The following ACACA variants were observed in gnomAD, a reference collection of about 807,000 sequenced individuals.
ACACA encodes the protein acetyl-CoA carboxylase alpha.
ACACA carries 103 observed loss-of-function variants against 296.1 expected under a neutral mutation model. That is an observed-to-expected ratio of 0.35 (90% confidence interval 0.30 to 0.41). The LOEUF (loss-of-function observed/expected upper bound fraction) is 0.41, where lower values mean the gene tolerates loss of function less well. ACACA is among the 10% of genes least tolerant of loss of function. The pLI is 1.00. For synonymous variants in ACACA, 953 were observed against 1,038.6 expected (o/e 0.92, Z 1.58); for missense variants, 1,554 against 2,989.7 (o/e 0.52, Z 11.20).
intron 43 of ACACA, among the ~76,000 whole-genome samples, chr17:37,154,376 G>T (rs1334204551): frequency 6.6e-6 from 1 of 152,078 alleles, no homozygotes; most frequent in Non-Finnish European, 1.5e-5. Context: ...AATTAAAAAT[G>T]TGAGAAAATT....
At position 37,181,766 on chromosome 17, in the gene ACACA, G is replaced by A. The variant is rs1431859889; in HGVS notation, c.4777-410C>T. Among the ~76,000 whole-genome samples the A allele has an allele frequency of 2.0e-5, 3 of 151,758 alleles. No homozygotes were observed. In the East Asian group the frequency reaches 5.8e-4, roughly 30 times the overall value. On this transcript the variant is annotated intron_variant, in intron 39 of 55. Coordinates refer to ENST00000616317, the MANE Select transcript of ACACA (RefSeq NM_198834.3). The stretch of plus-strand genomic sequence containing the variant: ...TACAAAAACATTAGCTGGGCGTGGT[G>A]GTGGGCGCCTGTAGTCCCAGCTACT...
At chr17:37,101,129 T>G (rs1254695249) in intron 52 of ACACA, among the ~76,000 whole-genome samples, 1 of 150,864 alleles carries the variant, frequency 6.6e-6, no homozygotes, top group Admixed American at 6.6e-5. Flanking sequence ...CAGATTACTT[T>G]CAAATGGCTC....
chr17:37,376,028 G>A lies in ACACA; in HGVS notation c.38+30234C>T. On this transcript the variant is annotated intron_variant, in intron 1 of 55. Coordinates refer to ENST00000616317, the MANE Select transcript of ACACA (RefSeq NM_198834.3). ...CGTGTGGTGAAAGCAACTAGAGGCA[G>A]AGCTATCAAGGGCTGTGACAGATGA... 3 of 1,395,874 alleles carry A rather than the reference G, an allele frequency of 2.1e-6. No homozygotes were observed. The South Asian group carries it at 3.5e-5, about 16-fold the overall frequency. 86.5% of individuals were successfully genotyped at this position (1,395,874 alleles called of 1,614,324 possible). A position where few individuals can be genotyped will look rare whatever the true frequency, so the allele number is the denominator to read the frequency against.
At chr17:37,323,115 G>C (rs114848730) in intron 3 of ACACA, among the ~76,000 whole-genome samples, 1 of 152,366 alleles carries the variant, frequency 6.6e-6, no homozygotes, top group East Asian at 1.9e-4. Context: ...TTTCAGAGTC[G>C]CAGACACCAC....
At chr17:37,296,877 C>T (rs1053274244) in intron 3 of ACACA, among the ~76,000 whole-genome samples, 4 of 151,342 alleles carry the variant, frequency 2.6e-5, no homozygotes, top group Admixed American at 2.0e-4. Flanking sequence ...CCACCACACC[C>T]GGCTAATTTT....
intron 45 of ACACA, among the ~76,000 whole-genome samples, chr17:37,146,669 AG>A (rs146105360): frequency 0.33 from 5,953 of 18,242 alleles, 403 homozygotes; most frequent in African/African-American, 0.47. Flanking sequence ...GTGGGGGGGA[AG>A]GGGGGGGCAG....
chr17:37,250,638 A>G (rs1043414856), intron 16 of ACACA, among the ~76,000 whole-genome samples: 1 of 151,898 alleles, frequency 6.6e-6, no homozygotes, highest in African/African-American at 2.4e-5. Flanking sequence ...CTCCATCTCA[A>G]AAAAAAAGAT....
Position 37,390,175 on chromosome 17 carries a change from T to TATATATATATATACAC in ACACA, c.38+16086_38+16087insGTGTATATATATATAT, listed in dbSNP as rs60788220. Among the ~76,000 whole-genome samples, 137 of 44,444 alleles carry TATATATATATATACAC rather than the reference T, an allele frequency of 3.1e-3. 2 individuals are homozygous for TATATATATATATACAC. Among genetic ancestry groups the TATATATATATATACAC allele is most frequent in the Middle Eastern group, 0.017 (1 of 58 alleles). 29.2% of individuals were successfully genotyped at this position (44,444 alleles called of 152,430 possible). ...ATATATATATATATATATATATATATACACACACACATTATATATAAATAT... is the reference window on the plus strand; with the variant it reads ...ATATATATATATATATATATATATATATATATATATATACACACACACACACATTATATATAAATAT... On this transcript the variant is annotated intron_variant, in intron 1 of 55. Transcript: ENST00000616317.
chr17:37,114,060 G>A (rs893428533), intron 50 of ACACA, among the ~76,000 whole-genome samples: 1 of 152,126 alleles, frequency 6.6e-6, no homozygotes, highest in Non-Finnish European at 1.5e-5. Context: ...GGTGGTGCAT[G>A]CCTGCAGTCC....
At chr17:37,114,494 G>A (rs1439805366) in intron 50 of ACACA, among the ~76,000 whole-genome samples, 1 of 146,060 alleles carries the variant, frequency 6.8e-6, no homozygotes, top group African/African-American at 2.5e-5. Flanking sequence ...TCATGCTGCT[G>A]TACTCCAGTG....
intron 1 of ACACA, among the ~76,000 whole-genome samples, chr17:37,404,599 C>A (rs2051403004): frequency 8.1e-6 from 1 of 124,114 alleles, no homozygotes; most frequent in African/African-American, 3.1e-5. Context: ...TTTTGAGATG[C>A]AGTTTCACTC....
At chr17:37,284,675 A>C (rs541668207) in intron 4 of ACACA, among the ~76,000 whole-genome samples, 163 bp downstream of exon 4, 2 of 152,228 alleles carry the variant, frequency 1.3e-5, no homozygotes, top group Non-Finnish European at 2.9e-5. Context: ...CAGTGAAATT[A>C]TATTAATAGG....
intron 24 of ACACA, among the ~76,000 whole-genome samples, chr17:37,239,022 TCTCA>T (rs1288104444): frequency 6.6e-6 from 1 of 152,000 alleles, no homozygotes; most frequent in Non-Finnish European, 1.5e-5. Context: ...AGAGATGGGG[TCTCA>T]CTATATTGCC....
chr17:37,115,063 T>C (rs1035828210), intron 50 of ACACA, among the ~76,000 whole-genome samples: 2 of 152,186 alleles, frequency 1.3e-5, no homozygotes, highest in Non-Finnish European at 2.9e-5. Context: ...AAATTCCAAG[T>C]TACCCCAGAA....
rs765990183 is a variant in ACACA, at chr17:37,111,516, G to C, written c.6565+15C>G. ...GAATGGCTCATTGATTTGCCAGAAG[G>C]ACAAGCAGACATACCCAATCGCTCA... On this transcript the variant is annotated intron_variant, in intron 52 of 55. Coordinates refer to ENST00000616317, the MANE Select transcript of ACACA (RefSeq NM_198834.3). The C allele has an allele frequency of 2.1e-5, 33 of 1,595,480 alleles. No individual in the cohort carries two copies. The South Asian group carries it at 3.1e-4, about 15-fold the overall frequency.
intron 50 of ACACA, among the ~76,000 whole-genome samples, chr17:37,120,432 G>A (rs2074475171): frequency 6.6e-6 from 1 of 151,454 alleles, no homozygotes; most frequent in Non-Finnish European, 1.5e-5. Flanking sequence ...CGCCAGCTAA[G>A]TTTTGTATTT....
At chr17:37,301,429 A>T in intron 3 of ACACA, 1 of 985,188 alleles carries the variant, frequency 1.0e-6, no homozygotes, top group Non-Finnish European at 1.2e-6. Context: ...GCATTGTAAC[A>T]TGCCAAACAC....
intron 7 of ACACA, among the ~76,000 whole-genome samples, chr17:37,276,792 C>G (rs1216602187): frequency 6.6e-6 from 1 of 152,000 alleles, no homozygotes; most frequent in Non-Finnish European, 1.5e-5. Context: ...AAAGCCTTCT[C>G]CATATCTCCA....
At chr17:37,299,374 G>A (rs762539641) in intron 3 of ACACA, 16 of 1,613,346 alleles carry the variant, frequency 9.9e-6, no homozygotes, top group African/African-American at 4.0e-5. Flanking sequence ...TTCAGATTTC[G>A]GCCTTGTAAA....
Sources: gnomAD v4.1 joint callset for allele counts (sites outside exome capture counted in the v4.1 genomes callset) on GRCh38, gnomAD v4.1.1 for gene constraint, MANE v1.5 for transcripts, NCBI Gene and HGNC (gene_info 2026-07-23, HGNC 2026-07-21) for gene names.